Variants in SDK1 observed in about 807,000 individuals in gnomAD.
The protein encoded by SDK1 is sidekick cell adhesion molecule 1, also known as protein sidekick-1.
In SDK1, 157 loss-of-function variants were observed where a neutral mutation model predicts 245.5. That is an observed-to-expected ratio of 0.64 (90% CI 0.56 to 0.73). The LOEUF (loss-of-function observed/expected upper bound fraction) is 0.73, where lower values mean the gene tolerates loss of function less well. SDK1 is among the 30% of genes least tolerant of loss of function. The probability of loss-of-function intolerance (pLI) is 0.00; values close to 1 mark genes in which losing one functional copy is unlikely to be tolerated. For missense variants in SDK1, 3,583 were observed against 3,002.3 expected (o/e 1.19, Z -4.52); for synonymous variants, 1,647 against 1,278.5 (o/e 1.29, Z -6.15).
intron 4 of SDK1, among the ~76,000 whole-genome samples, chr7:3,664,828 C>T (rs1274104907): frequency 6.6e-6 from 1 of 151,896 alleles, no homozygotes; most frequent in East Asian, 1.9e-4. Flanking sequence ...AATAACTTGG[C>T]ATCTTTCTTA....
At chr7:3,894,242 C>T (rs967707919) in intron 5 of SDK1, among the ~76,000 whole-genome samples, 1 of 152,178 alleles carries the variant, frequency 6.6e-6, no homozygotes, top group Admixed American at 6.5e-5. Context: ...TAATTTACTT[C>T]TCCCTGTAAC....
chr7:3,611,586 G>A (rs1426101295), intron 1 of SDK1, among the ~76,000 whole-genome samples: 1 of 152,094 alleles, frequency 6.6e-6, no homozygotes, highest in African/African-American at 2.4e-5. Context: ...CTAGATGAAA[G>A]GGTAGTTCTA....
chr7:3,921,281 C>T (rs1438010067), intron 5 of SDK1, among the ~76,000 whole-genome samples: 1 of 152,102 alleles, frequency 6.6e-6, no homozygotes, highest in East Asian at 1.9e-4. Context: ...TTTATTATTT[C>T]TGTAGTATTA....
intron 4 of SDK1, among the ~76,000 whole-genome samples, chr7:3,805,411 C>A (rs772635969): frequency 6.6e-6 from 1 of 152,174 alleles, no homozygotes; most frequent in Non-Finnish European, 1.5e-5. Context: ...GCGGGAGCCT[C>A]TTCAGGTTGA....
intron 4 of SDK1, among the ~76,000 whole-genome samples, chr7:3,654,995 A>G (rs974067953): frequency 6.6e-6 from 1 of 151,984 alleles, no homozygotes. Context: ...GTTTTAATGA[A>G]CAATAAATTC....
intron 25 of SDK1, among the ~76,000 whole-genome samples, chr7:4,126,487 G>A (rs1392072677): frequency 3.3e-5 from 5 of 152,310 alleles, no homozygotes; most frequent in East Asian, 1.9e-4. Context: ...TTGGGAGGCC[G>A]AGGCGGACAA....
At chr7:3,774,320 C>A (rs1780488946) in intron 4 of SDK1, among the ~76,000 whole-genome samples, 1 of 152,092 alleles carries the variant, frequency 6.6e-6, no homozygotes, top group Admixed American at 6.5e-5. Context: ...GCAACAGCGG[C>A]CACTGGCCTC....
intron 22 of SDK1, among the ~76,000 whole-genome samples, chr7:4,092,100 T>C (rs1781843471): frequency 6.6e-6 from 1 of 152,326 alleles, no homozygotes; most frequent in Admixed American, 6.5e-5. Flanking sequence ...TGTGAGGCTT[T>C]AGGGAAGTCT....
At chr7:4,213,927 A>AG (rs1187292831) in intron 38 of SDK1, among the ~76,000 whole-genome samples, 1 of 152,188 alleles carries the variant, frequency 6.6e-6, no homozygotes, top group Non-Finnish European at 1.5e-5. Context: ...CGCTATACAC[A>AG]GGCACCCCCC....
intron 35 of SDK1, among the ~76,000 whole-genome samples, chr7:4,202,280 G>A (rs549150601): frequency 6.6e-6 from 1 of 152,210 alleles, no homozygotes; most frequent in Non-Finnish European, 1.5e-5. Context: ...GATTTTGGCA[G>A]CGTTAGGCTG....
At chr7:3,473,123 C>G (rs1384508032) in intron 1 of SDK1, among the ~76,000 whole-genome samples, 3 of 152,114 alleles carry the variant, frequency 2.0e-5, no homozygotes, top group Non-Finnish European at 4.4e-5. Context: ...ATCACAACAG[C>G]CTTGTGAGGA....
At chr7:3,938,645 C>CAAAAAAAAAAAAAAAAAAAAA (rs559065786) in intron 5 of SDK1, among the ~76,000 whole-genome samples, 34 of 90,528 alleles carry the variant, frequency 3.8e-4, no homozygotes, top group African/African-American at 1.8e-3. Context: ...GACTCCGTCT[C>CAAAAAAAAAAAAAAAAAAAAA]AAAAAAAAAA....
At chr7:3,443,419 A>G (rs1295068105) in intron 1 of SDK1, among the ~76,000 whole-genome samples, 3 of 152,232 alleles carry the variant, frequency 2.0e-5, no homozygotes, top group Admixed American at 1.3e-4. Context: ...TTCAAGAGTA[A>G]TTAACCAAAA....
chr7:3,517,321 A>G (rs1262177632), intron 1 of SDK1, among the ~76,000 whole-genome samples: 1 of 152,126 alleles, frequency 6.6e-6, no homozygotes, highest in Non-Finnish European at 1.5e-5. Flanking sequence ...TTCATGTTGA[A>G]TGCATATCCT....
chr7:3,869,678 G>GT (rs1780911715), intron 5 of SDK1, among the ~76,000 whole-genome samples: 1 of 152,136 alleles, frequency 6.6e-6, no homozygotes, highest in Admixed American at 6.5e-5. Context: ...TGGGTACAGT[G>GT]TTTTTAACTT....
chr7:4,180,303 T>C lies in SDK1; in HGVS notation c.5098+1717T>C, dbSNP rs550611800. On this transcript the variant is annotated intron_variant, in intron 35 of 44. Coordinates refer to ENST00000404826, the MANE Select transcript of SDK1 (RefSeq NM_152744.4). ...CGGCTCTAGCTCTATGCCCTGTGCC[T>C]GGCTCCAGCTCTATGCCCAGTGCCC... Among the ~76,000 whole-genome samples the C allele has an allele frequency of 8.9e-4, 114 of 128,248 alleles. 1 individual carries two copies. Among genetic ancestry groups the C allele is most frequent in the Admixed American group, 1.6e-3 (20 of 12,334 alleles). The allele number at this position is 128,248 out of a possible 152,430, so 84.1% of individuals were successfully genotyped here.
rs193143009 is a variant in SDK1, at chr7:3,954,740, T to C, written c.1150+2820T>C. Reference sequence around the variant, plus strand: ...GGCCTCAGTTTCCACATCCATAAAATGGAGATGGATGTAGATGGTACCAGC... The same window carrying C: ...GGCCTCAGTTTCCACATCCATAAAACGGAGATGGATGTAGATGGTACCAGC... On this transcript the variant is annotated intron_variant, in intron 7 of 44. Transcript: ENST00000404826. 1.4e-3 allele frequency among the ~76,000 whole-genome samples: 212 copies of C among 149,826 alleles called. 1 individual carries two copies. The highest frequency in any genetic ancestry group is 5.1e-3 in the African/African-American group (207 of 40,552).
intron 44 of SDK1, among the ~76,000 whole-genome samples, chr7:4,263,400 C>T (rs1033839334): frequency 6.6e-6 from 1 of 150,754 alleles, no homozygotes; most frequent in Non-Finnish European, 1.5e-5. Context: ...CCACCTAGAT[C>T]TTTGCTGGGG....
At chr7:3,602,537 T>A (rs1781285755) in intron 1 of SDK1, among the ~76,000 whole-genome samples, 1 of 152,106 alleles carries the variant, frequency 6.6e-6, no homozygotes, top group African/African-American at 2.4e-5. Flanking sequence ...GTTTTTTTCT[T>A]GTAAATTTGT....
Sources: allele counts gnomAD v4.1 joint callset (sites outside exome capture counted in the v4.1 genomes callset), GRCh38; gene constraint gnomAD v4.1.1; transcripts MANE v1.5; gene names NCBI Gene and HGNC (gene_info 2026-07-23, HGNC 2026-07-21).